Variants in TRIOBP observed in about 807,000 individuals in gnomAD.
TRIOBP encodes the protein TRIO and F-actin binding protein.
Under a neutral mutation model 238.8 loss-of-function variants are expected in TRIOBP, and 169 were observed. That is an observed-to-expected ratio of 0.71 (90% CI 0.62 to 0.80). TRIOBP has a LOEUF of 0.80. Ranked by LOEUF, TRIOBP falls within the 30% of genes least tolerant of loss-of-function variation. The probability of loss-of-function intolerance (pLI) is 0.00; values close to 1 mark genes in which losing one functional copy is unlikely to be tolerated. For missense variants in TRIOBP, 2,838 were observed against 3,122.6 expected, an observed-to-expected ratio of 0.91 and a Z score of 2.17; for synonymous variants, 1,150 against 1,274.4, an observed-to-expected ratio of 0.90 and a Z score of 2.08.
rs866954336 is a variant in TRIOBP, at chr22:37,734,754, C to T, written c.4418C>T (p.Pro1473Leu). The change falls in exon 9 of 24, where the codon CCG becomes CTG. Residue 1473 changes from proline (P) to leucine (L), a missense_variant. Coordinates refer to ENST00000644935, the MANE Select transcript of TRIOBP (RefSeq NM_001039141.3). ...GEPSLGAAKA[P>L]EGAWGGTSRE... is the part of the protein sequence containing the mutation. ...CCCAGCCTGGGGGCAGCCAAAGCCC[C>T]GGAGGGAGCATGGGGGGGCACTTCC... 1.6e-5 allele frequency: 25 copies of T among 1,611,438 alleles called. No homozygotes were observed. The highest frequency in any genetic ancestry group is 1.6e-4 in the Middle Eastern group (1 of 6,068).
At chr22:37,713,462 TGCA>T (rs749995384) in intron 5 of TRIOBP, 51 bp downstream of exon 5, 32 of 1,594,274 alleles carry the variant, frequency 2.0e-5, no homozygotes, top group Non-Finnish European at 2.7e-5. Context: ...CACCTCCATC[TGCA>T]GCCCTGGGTC....
chr22:37,715,616 T>A (rs1923471365), intron 5 of TRIOBP, 147 bp from the exon 6 acceptor site: 1 of 859,288 alleles, frequency 1.2e-6, no homozygotes, highest in Admixed American at 2.1e-5. Flanking sequence ...GTGCTGGGAT[T>A]GCAGGCGTGA....
At chr22:37,738,525 G>A (rs536339392) in intron 9 of TRIOBP, 117 bp from the exon 10 acceptor site, 13 of 940,598 alleles carry the variant, frequency 1.4e-5, no homozygotes, top group Middle Eastern at 2.1e-4. Flanking sequence ...ATCTACTGAT[G>A]CTGGACGTTA....
intron 6 of TRIOBP, among the ~76,000 whole-genome samples, chr22:37,717,230 G>T (rs1484688482): frequency 6.6e-6 from 1 of 152,144 alleles, no homozygotes; most frequent in Non-Finnish European, 1.5e-5. Context: ...TCATGGTCTG[G>T]ATGGCTTCAG....
intron 10 of TRIOBP, among the ~76,000 whole-genome samples, chr22:37,740,475 T>C (rs935343061): frequency 2.0e-5 from 3 of 152,190 alleles, no homozygotes; most frequent in South Asian, 2.1e-4. Context: ...CGGTTCCAGA[T>C]AGCTGTTGCC....
chr22:37,761,056 G>A (rs1222468400), intron 17 of TRIOBP, among the ~76,000 whole-genome samples: 2 of 152,108 alleles, frequency 1.3e-5, no homozygotes, highest in East Asian at 3.8e-4. Flanking sequence ...TCCAAGGGGA[G>A]GTCACGTCAT....
intron 11 of TRIOBP, among the ~76,000 whole-genome samples, chr22:37,747,467 G>A (rs1229702994): frequency 1.3e-5 from 2 of 152,216 alleles, no homozygotes; most frequent in Non-Finnish European, 1.5e-5. Flanking sequence ...GGCTGCTGGG[G>A]GCGGGCTGGG....
At chr22:37,755,404 A>C in intron 14 of TRIOBP, 146 bp from the exon 15 acceptor site, 1 of 921,396 alleles carries the variant, frequency 1.1e-6, no homozygotes, top group Non-Finnish European at 1.7e-6. Flanking sequence ...GGCCAATGGA[A>C]GGGAGGTTTT....
In TRIOBP at chr22:37,765,828, T is replaced by TC; in HGVS notation, c.6472+11_6472+12insC. Reference sequence around the variant, plus strand: ...CAGCCACGGCCTCAGGTATGGACCCTGGGGGGGGCACAGTGGGCTGGGCTC... The same window carrying TC: ...CAGCCACGGCCTCAGGTATGGACCCTCGGGGGGGGCACAGTGGGCTGGGCTC... On this transcript the variant is annotated intron_variant, in intron 18 of 23. Transcript: ENST00000644935. The TC allele has an allele frequency of 1.9e-6, 3 of 1,552,816 alleles. No individual in the cohort carries two copies. Among genetic ancestry groups the TC allele is most frequent in the Non-Finnish European group, 2.6e-6 (3 of 1,148,498 alleles).
rs1045650413 is a variant in TRIOBP, at chr22:37,715,623, G to C, written c.457-140G>C. ...CTCCCAAAGTGCTGGGATTGCAGGCGTGAGCCACAGCGCCTGGCCAGGGAA... is the reference window on the plus strand; with the variant it reads ...CTCCCAAAGTGCTGGGATTGCAGGCCTGAGCCACAGCGCCTGGCCAGGGAA... On this transcript the variant is annotated intron_variant, in intron 5 of 23. Coordinates refer to ENST00000644935, the MANE Select transcript of TRIOBP (RefSeq NM_001039141.3). The C allele has an allele frequency of 7.3e-6, 7 of 961,496 alleles. No individual in the cohort carries two copies. The South Asian group carries it at 1.0e-4, about 14-fold the overall frequency. 59.6% of individuals were successfully genotyped at this position (961,496 alleles called of 1,614,324 possible). A position where few individuals can be genotyped will look rare whatever the true frequency, so the allele number is the denominator to read the frequency against.
chr22:37,702,740 C>G (rs557357991), intron 3 of TRIOBP, among the ~76,000 whole-genome samples: 1 of 150,744 alleles, frequency 6.6e-6, no homozygotes, highest in East Asian at 2.0e-4. Flanking sequence ...GCCTCGACCT[C>G]CCAGGCTCAA....
At chr22:37,751,909 G>A in intron 12 of TRIOBP, 81 bp downstream of exon 12, 1 of 1,459,008 alleles carries the variant, frequency 6.9e-7, no homozygotes, top group Non-Finnish European at 9.5e-7. Context: ...TGGGGGTGGG[G>A]CTGGGGCTGG....
At chr22:37,766,713 C>T (rs1926510318) in intron 18 of TRIOBP, among the ~76,000 whole-genome samples, 1 of 152,250 alleles carries the variant, frequency 6.6e-6, no homozygotes, top group African/African-American at 2.4e-5. Flanking sequence ...GTAATCCCAG[C>T]ACTTTGGGAG....
chr22:37,747,061 C>T (rs944422276), intron 11 of TRIOBP, among the ~76,000 whole-genome samples: 1 of 152,188 alleles, frequency 6.6e-6, no homozygotes, highest in African/African-American at 2.4e-5. Flanking sequence ...GAGTAGGGGG[C>T]ATGATGGCAG....
At chr22:37,720,425 T>G (rs1296010876) in intron 6 of TRIOBP, among the ~76,000 whole-genome samples, 3 of 152,140 alleles carry the variant, frequency 2.0e-5, no homozygotes, top group Non-Finnish European at 4.4e-5. Flanking sequence ...CACATTGCCT[T>G]TAGTCCCTCT....
At position 37,765,912 on chromosome 22, in the gene TRIOBP, T is replaced by C. The variant is rs535239973; in HGVS notation, c.6472+95T>C. 9 of 1,448,918 alleles carry C rather than the reference T, an allele frequency of 6.2e-6. No individual in the cohort carries two copies. In the African/African-American group the frequency reaches 1.3e-4, roughly 20 times the overall value. 89.8% of individuals were successfully genotyped at this position (1,448,918 alleles called of 1,614,324 possible). On this transcript the variant is annotated intron_variant, in intron 18 of 23. Transcript: ENST00000644935. ...CTGGGGAGGATTTTATCAAATAAGA[T>C]GTAGGGGTCTCAGTGCCACATTTGG... is the stretch of plus-strand genomic sequence containing the variant.
chr22:37,723,283 G>C lies in TRIOBP; in HGVS notation c.727G>C (p.Ala243Pro), dbSNP rs1022557381. ...LERHRSTLTQ[A>P]SSMTPHSGPR... is the part of the protein sequence containing the mutation. ...GCGGCACCGGTCAACACTGACCCAG[G>C]CTTCCTCCATGACACCACACAGTGG... is the stretch of plus-strand genomic sequence containing the variant. The change falls in exon 7 of 24, where the codon GCT (alanine) becomes CCT (proline). Residue 243 changes from alanine to proline, a missense_variant. Transcript: ENST00000644935. 17 of 1,613,966 alleles carry C rather than the reference G, an allele frequency of 1.1e-5. No homozygotes were observed. The highest frequency in any genetic ancestry group is 1.4e-5 in the Non-Finnish European group (16 of 1,179,988).
At chr22:37,714,106 C>T (rs1923399268) in intron 5 of TRIOBP, among the ~76,000 whole-genome samples, 1 of 152,178 alleles carries the variant, frequency 6.6e-6, no homozygotes, top group Admixed American at 6.5e-5. Context: ...TCAGTCGCCC[C>T]ATATGGGGCT....
At chr22:37,733,628 C>G (rs182292834) in intron 8 of TRIOBP, among the ~76,000 whole-genome samples, 155 of 152,084 alleles carry the variant, frequency 1.0e-3, no homozygotes, top group Non-Finnish European at 1.7e-3. Flanking sequence ...GATAGCCCCT[C>G]TCCCACGCTA....
Sources: gnomAD v4.1 joint callset for allele counts (sites outside exome capture counted in the v4.1 genomes callset) on GRCh38, gnomAD v4.1.1 for gene constraint, MANE v1.5 for transcripts, NCBI Gene and HGNC (gene_info 2026-07-23, HGNC 2026-07-21) for gene names.